The following AIG1 variants were observed in gnomAD, a reference collection of about 807,000 sequenced individuals.
The protein encoded by AIG1 is androgen-induced gene 1 protein.
In AIG1, 23 loss-of-function variants were observed where a neutral mutation model predicts 31.4. The observed-to-expected ratio is 0.73, with a 90% CI of 0.53 to 1.04. AIG1 has a LOEUF of 1.04. Among genes scored for constraint, AIG1 ranks in the 50% least tolerant of loss-of-function variants. AIG1 has a pLI of 0.00. For missense variants in AIG1, 274 were observed against 295.0 expected (o/e 0.93, Z 0.52); for synonymous variants, 100 against 110.5 (o/e 0.90, Z 0.60).
chr6:143,061,584 G>A (rs1776264945), intron 1 of AIG1: 1 of 290,448 alleles, frequency 3.4e-6, no homozygotes, highest in Non-Finnish European at 6.9e-6. Flanking sequence ...TAATAAAGTT[G>A]TCTTCTTTGC....
intron 1 of AIG1, among the ~76,000 whole-genome samples, chr6:143,072,129 G>A (rs1440455938): frequency 6.6e-6 from 1 of 152,024 alleles, no homozygotes; most frequent in African/African-American, 2.4e-5. Context: ...AATGGCTAAC[G>A]ACGTTGAATA....
intron 2 of AIG1, among the ~76,000 whole-genome samples, chr6:143,153,702 G>T (rs1287247193): frequency 2.0e-5 from 3 of 152,100 alleles, no homozygotes; most frequent in South Asian, 4.2e-4. Context: ...CTACCCTGTG[G>T]CCTTGTGAGG....
intron 3 of AIG1, chr6:143,187,987 A>G: frequency 8.6e-7 from 1 of 1,167,016 alleles, no homozygotes; most frequent in Non-Finnish European, 1.1e-6. Context: ...GGTTGGAAAA[A>G]TTAGGTAATG....
At chr6:143,208,620 T>C (rs1338309858) in intron 3 of AIG1, among the ~76,000 whole-genome samples, 1 of 152,102 alleles carries the variant, frequency 6.6e-6, no homozygotes, top group East Asian at 1.9e-4. Context: ...TCCAGCAAAA[T>C]AGTGGCATCA....
intron 4 of AIG1, among the ~76,000 whole-genome samples, chr6:143,322,589 C>T (rs977197740): frequency 6.6e-6 from 1 of 152,166 alleles, no homozygotes; most frequent in Non-Finnish European, 1.5e-5. Context: ...ATTGAATTCT[C>T]TCCAGGGTAA....
At chr6:143,159,416 C>G (rs1786113259) in intron 2 of AIG1, among the ~76,000 whole-genome samples, 1 of 151,958 alleles carries the variant, frequency 6.6e-6, no homozygotes, top group Non-Finnish European at 1.5e-5. Flanking sequence ...ATAAATGTAC[C>G]AAAATGATGA....
chr6:143,213,451 G>A (rs1197324650), intron 3 of AIG1, among the ~76,000 whole-genome samples: 2 of 148,288 alleles, frequency 1.3e-5, no homozygotes, highest in African/African-American at 2.6e-5. Flanking sequence ...AAACATGAAG[G>A]TTGGGAGAGG....
intron 1 of AIG1, among the ~76,000 whole-genome samples, chr6:143,122,665 A>C (rs1306923128): frequency 1.3e-5 from 2 of 152,220 alleles, no homozygotes; most frequent in Non-Finnish European, 2.9e-5. Flanking sequence ...TAATGGGTAC[A>C]TGAGATTAGT....
rs145625873 is a variant in AIG1 at position 143,235,821 on chromosome 6, G to C, written c.400-48289G>C. Among the ~76,000 whole-genome samples the C allele has an allele frequency of 2.2e-4, 34 of 152,242 alleles. No individual in the cohort carries two copies. The East Asian group carries it at 6.6e-3, about 29-fold the overall frequency. ...AAGTGGATAGTTATGAAGTATAATTGGACTAAAAAGTGTGATCTACTGATA... is the reference window on the plus strand; with the variant it reads ...AAGTGGATAGTTATGAAGTATAATTCGACTAAAAAGTGTGATCTACTGATA... On this transcript the variant is annotated intron_variant, in intron 3 of 5. Transcript: ENST00000357847.
upstream of AIG1, among the ~76,000 whole-genome samples, chr6:143,059,940 C>T (rs990679995): frequency 6.6e-6 from 1 of 152,152 alleles, no homozygotes; most frequent in Admixed American, 6.5e-5. Context: ...ATTTATTTTC[C>T]TTCCATTAAG....
At chr6:143,073,559 A>T (rs1024765815) in intron 1 of AIG1, among the ~76,000 whole-genome samples, 1 of 152,078 alleles carries the variant, frequency 6.6e-6, no homozygotes, top group Non-Finnish European at 1.5e-5. Context: ...TGACGTTTTG[A>T]TAATAGCCAT....
At chr6:143,149,119 T>C (rs929667392) in intron 2 of AIG1, among the ~76,000 whole-genome samples, 1 of 152,140 alleles carries the variant, frequency 6.6e-6, no homozygotes, top group African/African-American at 2.4e-5. Flanking sequence ...TACTCCAAAC[T>C]TTTTGACAAA....
At chr6:143,088,436 TG>T (rs1388722110) in intron 1 of AIG1, among the ~76,000 whole-genome samples, 2 of 152,198 alleles carry the variant, frequency 1.3e-5, no homozygotes, top group African/African-American at 4.8e-5. Context: ...AGAAGAGAAC[TG>T]GTGCACTCAA....
chr6:143,170,597 T>C (rs202037170), intron 3 of AIG1, among the ~76,000 whole-genome samples: 1 of 144,034 alleles, frequency 6.9e-6, no homozygotes, highest in Non-Finnish European at 1.5e-5. Context: ...GTTTTTTTTT[T>C]TTTGTTGATC....
Position 143,333,515 on chromosome 6 carries a change from GA to G in AIG1, c.679+74del. The G allele has an allele frequency of 1.3e-6, 2 of 1,499,794 alleles. No homozygotes were observed. The highest frequency in any genetic ancestry group is 9.0e-7 in the Non-Finnish European group (1 of 1,105,664). 92.9% of individuals were successfully genotyped at this position (1,499,794 alleles called of 1,614,324 possible). A position where few individuals can be genotyped will look rare whatever the true frequency, so the allele number is the denominator to read the frequency against. ...GCAACAGTCTATGCAGAGACTGAGG[GA>G]AAATTCCACTGTAGCCTCTTCTTTT... On this transcript the variant is annotated intron_variant, in intron 5 of 5. Transcript: ENST00000357847. The surrounding 1 kb of genome is among the most constrained non-coding windows in gnomAD (Gnocchi z 4.6).
At chr6:143,098,514 C>G (rs943603106) in intron 1 of AIG1, among the ~76,000 whole-genome samples, 15 of 152,176 alleles carry the variant, frequency 9.9e-5, no homozygotes, top group Non-Finnish European at 1.8e-4. Context: ...CCCTTATAGT[C>G]TACATTCACT....
chr6:143,307,361 G>T (rs1396121020), intron 4 of AIG1, among the ~76,000 whole-genome samples: 1 of 152,158 alleles, frequency 6.6e-6, no homozygotes, highest in African/African-American at 2.4e-5. Context: ...TGATGGTGAT[G>T]TACAGATGGG....
Position 143,330,815 on chromosome 6 carries a change from T to C in AIG1, c.516-2467T>C, listed in dbSNP as rs1312952661. Among the ~76,000 whole-genome samples the C allele has an allele frequency of 6.6e-6, 1 of 152,184 alleles. No homozygotes were observed. Among genetic ancestry groups the C allele is most frequent in the East Asian group, 1.9e-4 (1 of 5,198 alleles). ...CTCTCCATGGAAATTAATAAACCAT[T>C]TGATGGGTACACAGCACCTTCCTTA... On this transcript the variant is annotated intron_variant, in intron 4 of 5. Transcript: ENST00000357847. This position sits in a 1 kb window ranked among gnomAD's most constrained non-coding sequence, Gnocchi z 4.4.
chr6:143,249,827 C>T (rs1048759478), intron 3 of AIG1, among the ~76,000 whole-genome samples: 4 of 152,138 alleles, frequency 2.6e-5, no homozygotes, highest in Admixed American at 6.5e-5. Context: ...TTGGGGTCAC[C>T]AGTCATAATT....
Sources: allele counts gnomAD v4.1 joint callset (sites outside exome capture counted in the v4.1 genomes callset), GRCh38; gene constraint gnomAD v4.1.1; non-coding constraint Gnocchi (gnomAD v3.1); transcripts MANE v1.5; gene names NCBI Gene and HGNC (gene_info 2026-07-23, HGNC 2026-07-21).